Variants in BMP1 observed in about 807,000 individuals in gnomAD.
The protein encoded by BMP1 is mammalian tolloid protein.
BMP1 carries 63 observed loss-of-function variants against 116.8 expected under a neutral mutation model. That is an observed-to-expected ratio of 0.54 (90% CI 0.44 to 0.67). BMP1 has a LOEUF of 0.67. BMP1 is among the 30% of genes least tolerant of loss of function. The pLI, the probability that BMP1 is intolerant of heterozygous loss-of-function variation, is 0.00. For missense variants in BMP1, 1,183 were observed against 1,358.9 expected, an observed-to-expected ratio of 0.87 and a Z score of 2.04; for synonymous variants, 536 against 533.4, an observed-to-expected ratio of 1.00 and a Z score of -0.07.
chr8:22,184,736 G>A (rs575487488), intron 8 of BMP1, among the ~76,000 whole-genome samples: 3 of 152,344 alleles, frequency 2.0e-5, no homozygotes, highest in East Asian at 1.9e-4. Context: ...GTACAGCCAA[G>A]AGAATGGAGG....
intron 8 of BMP1, among the ~76,000 whole-genome samples, chr8:22,191,123 C>A (rs1252849962): frequency 9.2e-5 from 14 of 152,228 alleles, no homozygotes; most frequent in African/African-American, 3.1e-4. Flanking sequence ...GCGAGCGTTT[C>A]CTGAGCTTGG....
chr8:22,199,513 A>C, intron 15 of BMP1: 9 of 963,134 alleles, frequency 9.3e-6, no homozygotes, highest in Non-Finnish European at 1.2e-5. Flanking sequence ...AGCCTTCCTC[A>C]GGACTCACTT....
intron 2 of BMP1, among the ~76,000 whole-genome samples, chr8:22,175,023 C>T (rs1012506756): frequency 4.6e-5 from 7 of 152,154 alleles, no homozygotes; most frequent in Non-Finnish European, 1.0e-4. Flanking sequence ...CTGATGTGGG[C>T]ACCTTATGGA....
rs760472990 is a variant in BMP1, at chr8:22,194,108, C to T, written c.1231C>T (p.Arg411Cys). ...LPEPIVSTDS[R>C]LWVEFRSSSN... Reference sequence around the variant, plus strand: ...TGAGCCTATCGTCTCCACTGACAGCCGCCTCTGGGTTGAATTCCGCAGCAG... The same window carrying T: ...TGAGCCTATCGTCTCCACTGACAGCTGCCTCTGGGTTGAATTCCGCAGCAG... Residue 411 changes from arginine (R) to cysteine (C), a missense_variant, in exon 10 of 20, where the codon CGC becomes TGC. Around this residue, in one of 4 missense-constraint regions of BMP1, gnomAD observed 956 missense variants for 1,135.2 expected, o/e 0.84. Coordinates refer to ENST00000306385, the MANE Select transcript of BMP1 (RefSeq NM_006129.5). This position sits in a 1 kb window ranked among gnomAD's most constrained non-coding sequence, Gnocchi z 4.5. 7 of 1,614,192 alleles carry T rather than the reference C, an allele frequency of 4.3e-6. No homozygotes were observed. The African/African-American group carries it at 5.3e-5, about 12-fold the overall frequency.
intron 16 of BMP1, among the ~76,000 whole-genome samples, chr8:22,202,817 T>C (rs1239106846): frequency 6.6e-6 from 1 of 152,084 alleles, no homozygotes; most frequent in Admixed American, 6.5e-5. Flanking sequence ...AAGACCAACC[T>C]GGGCAACATG....
In BMP1 at chr8:22,194,963, C is replaced by T; in HGVS notation, c.1639+44C>T. The T allele has an allele frequency of 6.5e-7, 1 of 1,533,332 alleles. No homozygotes were observed. The highest frequency in any genetic ancestry group is 8.8e-7 in the Non-Finnish European group (1 of 1,131,788). The allele number at this position is 1,533,332 out of a possible 1,614,324, so 95.0% of individuals were successfully genotyped here. On this transcript the variant is annotated intron_variant, in intron 12 of 19. Coordinates refer to ENST00000306385, the MANE Select transcript of BMP1 (RefSeq NM_006129.5). This position sits in a 1 kb window ranked among gnomAD's most constrained non-coding sequence, Gnocchi z 4.5. ...TCCCCTGCCCCAAGGTGCCTCGTGA[C>T]CTTCATCCCTTCTTCACTCACTCAT...
chr8:22,192,534 T>G (rs991091574), intron 9 of BMP1, among the ~76,000 whole-genome samples: 2 of 152,224 alleles, frequency 1.3e-5, no homozygotes, highest in African/African-American at 4.8e-5. Context: ...TATTTTTTTC[T>G]ATCTGCCCTT....
intron 1 of BMP1, among the ~76,000 whole-genome samples, chr8:22,173,279 C>T (rs746356821): frequency 6.6e-6 from 1 of 152,174 alleles, no homozygotes. Context: ...TAGCAAGACC[C>T]TGCTAATTTT....
chr8:22,198,959 G>A, intron 15 of BMP1: 1 of 1,277,398 alleles, frequency 7.8e-7, no homozygotes, highest in South Asian at 1.4e-5. Context: ...CTCGGGGCAG[G>A]CTCTGCCCCG....
chr8:22,165,446 TGCTGCTCCCGCGTCCCGGCCGGCC>T lies in BMP1; in HGVS notation c.46_69del (p.Leu16_Leu23del). ...CGCCTGCCGCTGCTGCTCGGGCTGC[TGCTGCTCCCGCGTCCCGGCCGGCC>T]GCTGGACTTGGCCGACTACACCTAT... is the stretch of plus-strand genomic sequence containing the variant. On this transcript the variant is annotated inframe_deletion, in exon 1 of 20. Transcript: ENST00000306385. 6.3e-7 allele frequency: 1 copy of T among 1,577,344 alleles called. No homozygotes were observed. The highest frequency in any genetic ancestry group is 8.6e-7 in the Non-Finnish European group (1 of 1,166,006).
At chr8:22,166,172 AC>A (rs745460309) in intron 1 of BMP1, among the ~76,000 whole-genome samples, 45 of 151,912 alleles carry the variant, frequency 3.0e-4, no homozygotes, top group Non-Finnish European at 4.7e-4. Context: ...GACTTAGGAG[AC>A]AGCTGTCAAA....
Position 22,180,472 on chromosome 8 carries a change from C to T in BMP1, c.1066C>T (p.Pro356Ser), listed in dbSNP as rs1349260331. 1 of 1,613,790 alleles carries T rather than the reference C, an allele frequency of 6.2e-7. No homozygotes were observed. Among genetic ancestry groups the T allele is most frequent in the East Asian group, 2.2e-5 (1 of 44,870 alleles). The change falls in exon 8 of 20, where the codon CCC (proline) becomes TCC (serine). Residue 356 changes from proline to serine, a missense_variant. By Grantham distance (74) the Pro-to-Ser change is moderately conservative. This residue lies in a region of BMP1 where 956 missense variants were observed against 1,135.2 expected (regional missense o/e 0.84). Transcript: ENST00000306385. ...CTGCGTGTGGCGCATCTCTGTCACA[C>T]CCGGGGAGAAGGTACGTGTGGGCTC... ...MHCVWRISVT[P>S]GEKIILNFTS...
intron 15 of BMP1, chr8:22,201,419 G>T: frequency 7.0e-7 from 1 of 1,427,016 alleles, no homozygotes; most frequent in Non-Finnish European, 9.1e-7. Context: ...TTTTGATGGT[G>T]TCTGTGACAT....
intron 15 of BMP1, among the ~76,000 whole-genome samples, chr8:22,198,185 G>A (rs1829146939): frequency 6.6e-6 from 1 of 152,184 alleles, no homozygotes; most frequent in South Asian, 2.1e-4. Context: ...TTTTAAAAAG[G>A]AGAAAGATGA....
Position 22,211,916 on chromosome 8 carries a change from C to G in BMP1, c.*188C>G. On this transcript the variant is annotated 3_prime_UTR_variant, in exon 20 of 20. Transcript: ENST00000306385. The stretch of plus-strand genomic sequence containing the variant: ...GACTCCGGCATAAGCCACTTCCCCA[C>G]AAACCCCCACCAGCAAGGGGCTGGG... 3 of 801,086 alleles carry G rather than the reference C, an allele frequency of 3.7e-6. No individual in the cohort carries two copies. Among genetic ancestry groups the G allele is most frequent in the Non-Finnish European group, 5.8e-6 (3 of 520,458 alleles). The allele number at this position is 801,086 out of a possible 1,614,324, so 49.6% of individuals were successfully genotyped here. A position where few individuals can be genotyped will look rare whatever the true frequency, so the allele number is the denominator to read the frequency against.
intron 8 of BMP1, among the ~76,000 whole-genome samples, chr8:22,189,955 C>G (rs1828884076): frequency 6.6e-6 from 1 of 152,144 alleles, no homozygotes; most frequent in African/African-American, 2.4e-5. Context: ...GAGTCTTCCT[C>G]TGTCACCCAG....
chr8:22,169,800 A>G (rs990610383), intron 1 of BMP1: 1 of 152,186 alleles, frequency 6.6e-6, no homozygotes, highest in Non-Finnish European at 1.5e-5. Flanking sequence ...TGGAGTCCAG[A>G]GGTTGACCTG....
intron 16 of BMP1, among the ~76,000 whole-genome samples, chr8:22,204,860 G>A (rs965709565): frequency 2.6e-5 from 4 of 152,168 alleles, no homozygotes; most frequent in African/African-American, 9.7e-5. Context: ...AAGGCTAGCT[G>A]GAAACAAAAG....
chr8:22,192,330 C>G (rs1828959384), intron 9 of BMP1, 179 bp downstream of exon 9: 1 of 554,192 alleles, frequency 1.8e-6, no homozygotes, highest in African/African-American at 1.9e-5. Flanking sequence ...TGCTGCGAGA[C>G]TTCAGGCAAG....
Sources: allele counts gnomAD v4.1 joint callset (sites outside exome capture counted in the v4.1 genomes callset), GRCh38; gene constraint gnomAD v4.1.1; regional missense constraint gnomAD v4.1.1; non-coding constraint Gnocchi (gnomAD v3.1); transcripts MANE v1.5; gene names NCBI Gene and HGNC (gene_info 2026-07-23, HGNC 2026-07-21).